The following MORC1 variants were observed in gnomAD, a reference collection of about 807,000 sequenced individuals.
MORC1 encodes the protein MORC family CW-type zinc finger 1.
MORC1 carries 59 observed loss-of-function variants against 134.9 expected under a neutral mutation model. That is an observed-to-expected ratio of 0.44 (90% CI 0.35 to 0.54). The LOEUF is 0.54. Ranked by LOEUF, MORC1 falls within the 20% of genes least tolerant of loss-of-function variation. The probability of loss-of-function intolerance (pLI) is 0.00; values close to 1 mark genes in which losing one functional copy is unlikely to be tolerated. For synonymous variants in MORC1, 395 were observed against 391.7 expected, an observed-to-expected ratio of 1.01 and a Z score of -0.10; for missense variants, 947 against 1,134.5, an observed-to-expected ratio of 0.83 and a Z score of 2.37.
At chr3:109,000,501 T>C in intron 21 of MORC1, 56 bp downstream of exon 21, 1 of 1,333,406 alleles carries the variant, frequency 7.5e-7, no homozygotes, top group Non-Finnish European at 1.0e-6. Flanking sequence ...CAGATCCCTC[T>C]AATCTTTGTG....
intron 17 of MORC1, among the ~76,000 whole-genome samples, chr3:109,016,797 G>A (rs568569257): frequency 6.6e-5 from 10 of 152,248 alleles, no homozygotes; most frequent in South Asian, 2.1e-4. Context: ...CCTGGGAGGC[G>A]GAGGTTGCAG....
At chr3:108,959,674 C>T (rs1016766019) in intron 27 of MORC1, among the ~76,000 whole-genome samples, 2 of 152,062 alleles carry the variant, frequency 1.3e-5, no homozygotes, top group African/African-American at 2.4e-5. Flanking sequence ...AACAGTTAGA[C>T]GTATGAGTTG....
At chr3:109,025,160 C>T (rs1462827314) in intron 17 of MORC1, among the ~76,000 whole-genome samples, 1 of 152,064 alleles carries the variant, frequency 6.6e-6, no homozygotes, top group African/African-American at 2.4e-5. Flanking sequence ...AGATGCCACA[C>T]AAATACTGAG....
intron 8 of MORC1, among the ~76,000 whole-genome samples, chr3:109,089,372 T>C (rs750084836): frequency 6.6e-6 from 1 of 152,094 alleles, no homozygotes. Context: ...CAAAGTAGAA[T>C]TACAGTCCTA....
chr3:108,991,800 A>G lies in MORC1; in HGVS notation c.2188-4851T>C, dbSNP rs73850689. ...GACCACTTGGTCAGATTCCCCATCA[A>G]TGCTCTTCATTCTATTCACAGTACT... On this transcript the variant is annotated intron_variant, in intron 21 of 27. Transcript: ENST00000232603. Among the ~76,000 whole-genome samples, 998 of 152,232 alleles carry G rather than the reference A, an allele frequency of 6.6e-3. 11 individuals are homozygous for G. Among genetic ancestry groups the G allele is most frequent in the African/African-American group, 0.023 (949 of 41,540 alleles).
chr3:109,100,359 T>G, intron 5 of MORC1, 58 bp downstream of exon 5: 1 of 1,311,676 alleles, frequency 7.6e-7, no homozygotes, highest in East Asian at 2.3e-5. Context: ...GTAAATTGCT[T>G]TATAAACAGT....
intron 7 of MORC1, among the ~76,000 whole-genome samples, chr3:109,093,795 T>C (rs551661881): frequency 6.6e-6 from 1 of 152,324 alleles, no homozygotes; most frequent in South Asian, 2.1e-4. Flanking sequence ...AGTCTTTCAA[T>C]GTGGATTTTT....
At chr3:108,986,845 A>AAT (rs760155843) in intron 22 of MORC1, 35 bp downstream of exon 22, 6,703 of 1,179,028 alleles carry the variant, frequency 5.7e-3, no homozygotes, top group Non-Finnish European at 6.5e-3. Context: ...CATTATAGCT[A>AAT]ATATATATAT....
chr3:109,005,354 T>C (rs758423908), intron 18 of MORC1, 39 bp from the exon 19 acceptor site: 7 of 1,518,526 alleles, frequency 4.6e-6, no homozygotes, highest in East Asian at 2.3e-5. Context: ...TTTTGGTAGA[T>C]AGCCTATTTA....
At position 109,005,252 on chromosome 3, in the gene MORC1, A is replaced by G; in HGVS notation, c.1831T>C (p.Ser611Pro). Residue 611 changes from serine to proline, a missense_variant, in exon 19 of 28, where the codon TCC (serine) becomes CCC (proline). By Grantham distance (74) the Ser-to-Pro change is moderately conservative. Coordinates refer to ENST00000232603, the MANE Select transcript of MORC1 (RefSeq NM_014429.4). ...CTACGGCTCGCTGAAAGCTCAAAGG[A>G]TGAAAGAGATTCATGCTTCAAGTCA... Reference protein sequence around the residue: ...GDDLKHESLSSFELSASRRGQ... With the variant: ...GDDLKHESLSPFELSASRRGQ... The G allele has an allele frequency of 6.2e-7, 1 of 1,613,644 alleles. No individual in the cohort carries two copies. The highest frequency in any genetic ancestry group is 8.5e-7 in the Non-Finnish European group (1 of 1,179,892).
chr3:108,977,119 T>C (rs1947585680), intron 24 of MORC1, among the ~76,000 whole-genome samples: 2 of 152,190 alleles, frequency 1.3e-5, no homozygotes, highest in Non-Finnish European at 2.9e-5. Context: ...ATATGCTATA[T>C]ATGATTAAGA....
At chr3:109,094,650 T>C (rs1233470623) in intron 7 of MORC1, among the ~76,000 whole-genome samples, 1 of 152,182 alleles carries the variant, frequency 6.6e-6, no homozygotes, top group South Asian at 2.1e-4. Context: ...CCTGTGGTCA[T>C]AGCCTGTATC....
intron 21 of MORC1, among the ~76,000 whole-genome samples, chr3:108,999,253 T>C (rs1237962917): frequency 2.0e-5 from 3 of 152,228 alleles, no homozygotes; most frequent in Non-Finnish European, 2.9e-5. Context: ...TCACAAATTA[T>C]GTCTGCACCT....
At chr3:108,973,681 C>G (rs970757415) in intron 24 of MORC1, among the ~76,000 whole-genome samples, 2 of 148,620 alleles carry the variant, frequency 1.3e-5, no homozygotes, top group Non-Finnish European at 3.0e-5. Flanking sequence ...ACTGCATCCT[C>G]GGCCTCCTGG....
At chr3:109,018,916 C>T (rs1427177436) in intron 17 of MORC1, 1 of 152,178 alleles carries the variant, frequency 6.6e-6, no homozygotes, top group Non-Finnish European at 1.5e-5. Context: ...AACTCCTCGA[C>T]TGTGTCCTCT....
At chr3:109,003,262 C>CACAT (rs150174521) in intron 20 of MORC1, among the ~76,000 whole-genome samples, 3 of 149,540 alleles carry the variant, frequency 2.0e-5, no homozygotes, top group East Asian at 3.9e-4. Flanking sequence ...TAAAATTATA[C>CACAT]ATATATATAT....
intron 9 of MORC1, among the ~76,000 whole-genome samples, chr3:109,069,284 G>C (rs1276203339): frequency 1.3e-5 from 2 of 152,064 alleles, no homozygotes; most frequent in East Asian, 3.8e-4. Context: ...TATATATATG[G>C]TTTAATAGTT....
chr3:108,962,283 A>G (rs1431188865), intron 27 of MORC1, among the ~76,000 whole-genome samples: 2 of 152,142 alleles, frequency 1.3e-5, no homozygotes, highest in Non-Finnish European at 2.9e-5. Context: ...AGCAAATAAA[A>G]AAAAAAAAAG....
intron 25 of MORC1, 37 bp from the exon 26 acceptor site, chr3:108,969,759 T>A (rs1186961287): frequency 8.8e-6 from 14 of 1,584,956 alleles, no homozygotes; most frequent in Non-Finnish European, 1.2e-5. Context: ...GGATATTAGC[T>A]TTTAGAGAAT....
Sources: allele counts gnomAD v4.1 joint callset (sites outside exome capture counted in the v4.1 genomes callset), GRCh38; gene constraint gnomAD v4.1.1; transcripts MANE v1.5; gene names NCBI Gene and HGNC (gene_info 2026-07-23, HGNC 2026-07-21).